Variants in TBC1D23 observed in about 807,000 individuals in gnomAD.
The protein encoded by TBC1D23 is TBC1 domain family member 23.
In TBC1D23, 55 loss-of-function variants were observed where a neutral mutation model predicts 91.4. That is an observed-to-expected ratio of 0.60 (90% CI 0.48 to 0.75). The LOEUF (loss-of-function observed/expected upper bound fraction) is 0.75, where lower values mean the gene tolerates loss of function less well. Ranked by LOEUF, TBC1D23 falls within the 30% of genes least tolerant of loss-of-function variation. TBC1D23 has a pLI of 0.00. For missense variants in TBC1D23, 725 were observed against 836.1 expected (o/e 0.87, Z 1.64); for synonymous variants, 289 against 281.0 (o/e 1.03, Z -0.28).
intron 5 of TBC1D23, among the ~76,000 whole-genome samples, chr3:100,293,377 C>T (rs2067810071): frequency 6.6e-6 from 1 of 152,162 alleles, no homozygotes; most frequent in African/African-American, 2.4e-5. Context: ...TCGTGATCCA[C>T]CCGCCTCGGC....
chr3:100,273,530 G>A (rs899486557), intron 1 of TBC1D23, among the ~76,000 whole-genome samples: 3 of 152,046 alleles, frequency 2.0e-5, no homozygotes, highest in African/African-American at 4.8e-5. Context: ...TTTAAAATTC[G>A]TATGGAACCA....
chr3:100,300,074 A>G (rs920781960), intron 10 of TBC1D23, among the ~76,000 whole-genome samples: 2 of 152,234 alleles, frequency 1.3e-5, no homozygotes, highest in Admixed American at 1.3e-4. Context: ...TAATAAGGGT[A>G]GTATCTGGCA....
Position 100,325,016 on chromosome 3 carries a change from C to T in TBC1D23, c.*1348C>T, listed in dbSNP as rs916387458. 1 of 152,202 alleles carries T rather than the reference C, an allele frequency of 6.6e-6. No individual in the cohort carries two copies. The highest frequency in any genetic ancestry group is 2.4e-5 in the African/African-American group (1 of 41,446). 9.4% of individuals were successfully genotyped at this position (152,202 alleles called of 1,614,324 possible). A position where few individuals can be genotyped will look rare whatever the true frequency, so the allele number is the denominator to read the frequency against. ...TAAAAACAGTTTGAGTGGTTGAAGA[C>T]ATCTGCATGAAATTGCACCTAGGTG... On this transcript the variant is annotated 3_prime_UTR_variant, in exon 19 of 19. Coordinates refer to ENST00000394144, the MANE Select transcript of TBC1D23 (RefSeq NM_001199198.3).
intron 14 of TBC1D23, among the ~76,000 whole-genome samples, chr3:100,311,351 G>A (rs1427842757): frequency 6.6e-6 from 1 of 152,142 alleles, no homozygotes; most frequent in East Asian, 1.9e-4. Flanking sequence ...GCATACAAAA[G>A]CACATTTTTC....
intron 15 of TBC1D23, among the ~76,000 whole-genome samples, chr3:100,315,472 C>T (rs774136879): frequency 9.9e-5 from 15 of 152,096 alleles, no homozygotes; most frequent in Non-Finnish European, 1.9e-4. Flanking sequence ...GAGGCAGATT[C>T]ATTTTTATGG....
intron 4 of TBC1D23, among the ~76,000 whole-genome samples, chr3:100,284,614 G>C (rs571418797): frequency 6.6e-6 from 1 of 152,196 alleles, no homozygotes; most frequent in South Asian, 2.1e-4. Flanking sequence ...GCTTTCCCAT[G>C]GTAAGTGGCA....
At chr3:100,302,365 T>C (rs1472661948) in intron 11 of TBC1D23, 128 bp downstream of exon 11, 2 of 675,738 alleles carry the variant, frequency 3.0e-6, no homozygotes, top group Non-Finnish European at 4.5e-6. Context: ...GTTAAGGTCT[T>C]CTCCAGATTT....
intron 4 of TBC1D23, among the ~76,000 whole-genome samples, chr3:100,289,629 G>A (rs1171444622): frequency 3.9e-5 from 6 of 152,186 alleles, no homozygotes; most frequent in Admixed American, 3.9e-4. Context: ...GACTGTGAGT[G>A]GCTGCTGTGA....
chr3:100,283,954 T>C, intron 4 of TBC1D23, 143 bp downstream of exon 4: 1 of 552,896 alleles, frequency 1.8e-6, no homozygotes, highest in Non-Finnish European at 3.2e-6. Context: ...ATTGTTATTT[T>C]ATTTTTGTGG....
intron 10 of TBC1D23, among the ~76,000 whole-genome samples, chr3:100,300,010 A>C (rs565901954): frequency 2.0e-5 from 3 of 152,216 alleles, no homozygotes; most frequent in African/African-American, 7.2e-5. Context: ...TGTAGGCTTT[A>C]TAGTATGAGC....
intron 13 of TBC1D23, among the ~76,000 whole-genome samples, chr3:100,307,214 A>G (rs1705531708): frequency 6.6e-6 from 1 of 152,348 alleles, no homozygotes; most frequent in African/African-American, 2.4e-5. Flanking sequence ...TCAATATTTC[A>G]TGTCAGTTGA....
chr3:100,282,624 T>C (rs369172150), intron 3 of TBC1D23, among the ~76,000 whole-genome samples: 1 of 152,218 alleles, frequency 6.6e-6, no homozygotes, highest in East Asian at 1.9e-4. Context: ...CTCTAGTGCA[T>C]TGTATTTTTG....
intron 8 of TBC1D23, 25 bp from the exon 9 acceptor site, chr3:100,297,898 T>C: frequency 6.5e-7 from 1 of 1,544,716 alleles, no homozygotes; most frequent in Non-Finnish European, 8.8e-7. Context: ...TTTTTCATAA[T>C]GTTTAAAAAT....
chr3:100,309,534 T>G (rs1192185324), intron 13 of TBC1D23, among the ~76,000 whole-genome samples: 3 of 151,862 alleles, frequency 2.0e-5, no homozygotes, highest in Non-Finnish European at 4.4e-5. Context: ...AACTGTTTCT[T>G]ATATAATAAA....
chr3:100,299,419 T>A lies in TBC1D23; in HGVS notation c.1092+88T>A, dbSNP rs1206806587. On this transcript the variant is annotated intron_variant, in intron 10 of 18. Coordinates refer to ENST00000394144, the MANE Select transcript of TBC1D23 (RefSeq NM_001199198.3). Reference sequence around the variant, plus strand: ...ATATATAGGTCCCAGATTGGGGAATTTTTTTCTTTCTGCTTAAGGAGGGAG... The same window carrying A: ...ATATATAGGTCCCAGATTGGGGAATATTTTTCTTTCTGCTTAAGGAGGGAG... 1.2e-5 allele frequency: 9 copies of A among 735,144 alleles called. No homozygotes were observed. The Admixed American group carries it at 1.7e-4, about 14-fold the overall frequency. 45.5% of individuals were successfully genotyped at this position (735,144 alleles called of 1,614,324 possible).
rs576195413 is a variant in TBC1D23 at position 100,269,118 on chromosome 3, A to G, written c.53+8047A>G. On this transcript the variant is annotated intron_variant, in intron 1 of 18. Coordinates refer to ENST00000394144, the MANE Select transcript of TBC1D23 (RefSeq NM_001199198.3). Reference sequence around the variant, plus strand: ...TGTAGTTAATTTTAGTAGCTTATAGAATAACATTTCTGTGATCTCTAGCCC... The same window carrying G: ...TGTAGTTAATTTTAGTAGCTTATAGGATAACATTTCTGTGATCTCTAGCCC... Among the ~76,000 whole-genome samples, 105 of 152,322 alleles carry G rather than the reference A, an allele frequency of 6.9e-4. 1 individual carries two copies. Among genetic ancestry groups the G allele is most frequent in the African/African-American group, 2.4e-3 (99 of 41,576 alleles).
intron 7 of TBC1D23, among the ~76,000 whole-genome samples, 187 bp from the exon 8 acceptor site, chr3:100,295,985 G>A (rs1469463930): frequency 6.6e-6 from 1 of 152,146 alleles, no homozygotes; most frequent in Non-Finnish European, 1.5e-5. Flanking sequence ...ATCCTTCACT[G>A]ACAAGAGATT....
At chr3:100,306,604 C>A in intron 13 of TBC1D23, 61 bp downstream of exon 13, 1 of 912,256 alleles carries the variant, frequency 1.1e-6, no homozygotes, top group Non-Finnish European at 1.8e-6. Context: ...AGGTGATTAA[C>A]TACTAAACCC....
At chr3:100,263,742 A>T (rs2067534013) in intron 1 of TBC1D23, among the ~76,000 whole-genome samples, 1 of 152,236 alleles carries the variant, frequency 6.6e-6, no homozygotes, top group Non-Finnish European at 1.5e-5. Flanking sequence ...GAATTGTGTC[A>T]TAAACTGGCG....
Sources: allele counts gnomAD v4.1 joint callset (sites outside exome capture counted in the v4.1 genomes callset), GRCh38; gene constraint gnomAD v4.1.1; transcripts MANE v1.5; gene names NCBI Gene and HGNC (gene_info 2026-07-23, HGNC 2026-07-21).